Variants in COLGALT2 observed in about 807,000 individuals in gnomAD.
COLGALT2 encodes collagen beta(1-O)galactosyltransferase 2.
A neutral mutation model predicts 73.4 loss-of-function variants in COLGALT2; 49 were observed. The observed-to-expected ratio is 0.67, with a 90% CI of 0.53 to 0.85. COLGALT2 has a LOEUF of 0.85. Ranked by LOEUF, COLGALT2 falls within the 40% of genes least tolerant of loss-of-function variation. COLGALT2 has a pLI of 0.00. For missense variants in COLGALT2, 722 were observed against 790.2 expected, an observed-to-expected ratio of 0.91 and a Z score of 1.03; for synonymous variants, 295 against 307.6, an observed-to-expected ratio of 0.96 and a Z score of 0.43.
chr1:184,017,101 A>G (rs1649024837), intron 1 of COLGALT2, among the ~76,000 whole-genome samples: 1 of 152,194 alleles, frequency 6.6e-6, no homozygotes, highest in South Asian at 2.1e-4. Flanking sequence ...GTCTAACCTA[A>G]GGTGCTGTAA....
At chr1:184,006,871 T>C (rs1672100360) in intron 1 of COLGALT2, among the ~76,000 whole-genome samples, 1 of 152,242 alleles carries the variant, frequency 6.6e-6, no homozygotes, top group African/African-American at 2.4e-5. Flanking sequence ...CTGAATTCAC[T>C]GGCACTTTGC....
intron 6 of COLGALT2, 141 bp from the exon 7 acceptor site, chr1:183,954,979 T>G (rs982179585): frequency 1.5e-6 from 1 of 672,426 alleles, no homozygotes; most frequent in Non-Finnish European, 2.7e-6. Flanking sequence ...TTCTCCAGGA[T>G]TGAGTAGCCA....
intron 1 of COLGALT2, among the ~76,000 whole-genome samples, chr1:184,010,019 C>T (rs1417695581): frequency 6.6e-6 from 1 of 152,062 alleles, no homozygotes; most frequent in Non-Finnish European, 1.5e-5. Flanking sequence ...AATGGAGTTG[C>T]CAGTTGCTGT....
chr1:183,962,332 G>T (rs756979683), intron 6 of COLGALT2, among the ~76,000 whole-genome samples: 1 of 151,298 alleles, frequency 6.6e-6, no homozygotes, highest in Non-Finnish European at 1.5e-5. Flanking sequence ...GCTTATTTTT[G>T]TATTTTTAGT....
chr1:183,963,844 G>A, intron 6 of COLGALT2, 57 bp downstream of exon 6: 2 of 1,473,168 alleles, frequency 1.4e-6, no homozygotes, highest in East Asian at 2.5e-5. Flanking sequence ...GAAGTGGCTG[G>A]TATGGTCACT....
intron 7 of COLGALT2, 30 bp downstream of exon 7, chr1:183,954,732 T>C (rs1352603960): frequency 6.5e-7 from 1 of 1,543,180 alleles, no homozygotes; most frequent in Non-Finnish European, 9.0e-7. Flanking sequence ...CACGCGTGCA[T>C]GTGCACACAC....
chr1:183,936,226 T>C lies in COLGALT2; in HGVS notation c.*2535A>G. Reference sequence around the variant, plus strand: ...CACTGCAAAGGTCAAATGTCAAAGGTCAAATGTCTTGGCTTAGGACTATAA... The same window carrying C: ...CACTGCAAAGGTCAAATGTCAAAGGCCAAATGTCTTGGCTTAGGACTATAA... On this transcript the variant is annotated 3_prime_UTR_variant, in exon 12 of 12. Transcript: ENST00000361927. The C allele has an allele frequency of 1.0e-6, 1 of 985,508 alleles. No homozygotes were observed. The highest frequency in any genetic ancestry group is 4.7e-5 in the South Asian group (1 of 21,282). The allele number at this position is 985,508 out of a possible 1,614,324, so 61.0% of individuals were successfully genotyped here. A position where few individuals can be genotyped will look rare whatever the true frequency, so the allele number is the denominator to read the frequency against.
chr1:183,935,476 G>A (rs1223237647), downstream of COLGALT2, among the ~76,000 whole-genome samples: 1 of 152,172 alleles, frequency 6.6e-6, no homozygotes. Context: ...TTTTTCCCCA[G>A]GAAAAAGCTC....
downstream of COLGALT2, among the ~76,000 whole-genome samples, chr1:183,933,359 G>A (rs577517795): frequency 6.6e-6 from 1 of 152,084 alleles, no homozygotes; most frequent in African/African-American, 2.4e-5. Flanking sequence ...CTCTCCCCTC[G>A]GATTCTCAAC....
intron 4 of COLGALT2, among the ~76,000 whole-genome samples, chr1:183,972,420 T>G (rs7530464): frequency 6.6e-6 from 1 of 152,002 alleles, no homozygotes; most frequent in Admixed American, 6.6e-5. Context: ...CATATTTTGC[T>G]TAGCACATTT....
At chr1:183,973,548 G>T in intron 4 of COLGALT2, 68 bp downstream of exon 4, 1 of 1,581,192 alleles carries the variant, frequency 6.3e-7, no homozygotes, top group Non-Finnish European at 8.7e-7. Context: ...AGGTGAATGG[G>T]ACTACTGTTG....
chr1:183,977,403 G>A (rs957701922), intron 2 of COLGALT2, among the ~76,000 whole-genome samples: 3 of 151,118 alleles, frequency 2.0e-5, no homozygotes, highest in Admixed American at 6.6e-5. Flanking sequence ...CCCAGGAGGC[G>A]GAGGTTGCAG....
intron 1 of COLGALT2, among the ~76,000 whole-genome samples, chr1:184,011,455 T>C (rs1572675667): frequency 1.3e-5 from 2 of 152,190 alleles, no homozygotes; most frequent in South Asian, 2.1e-4. Context: ...TCCAGTTACC[T>C]TCCAATCTGT....
chr1:183,951,670 T>C (rs1382191147), intron 7 of COLGALT2, among the ~76,000 whole-genome samples: 1 of 152,048 alleles, frequency 6.6e-6, no homozygotes. Flanking sequence ...TAATGAAAAC[T>C]ATAAAACACT....
At chr1:183,976,733 AG>A (rs1238101569) in intron 2 of COLGALT2, among the ~76,000 whole-genome samples, 4 of 152,202 alleles carry the variant, frequency 2.6e-5, no homozygotes, top group African/African-American at 9.7e-5. Context: ...CAACTTATTT[AG>A]AAAAAAAATA....
intron 1 of COLGALT2, among the ~76,000 whole-genome samples, chr1:183,985,054 C>A (rs1671451423): frequency 6.6e-6 from 1 of 152,188 alleles, no homozygotes; most frequent in Non-Finnish European, 1.5e-5. Flanking sequence ...TGACATTTCT[C>A]CTTGTTCCAG....
At chr1:184,037,053 C>T in intron 1 of COLGALT2, 42 bp downstream of exon 1, 1 of 1,410,670 alleles carries the variant, frequency 7.1e-7, no homozygotes, top group Non-Finnish European at 9.2e-7. Flanking sequence ...GCAGGCCGCC[C>T]CCGCGTCCCG....
chr1:184,003,448 G>GTCCTTGTC (rs1172423324), intron 1 of COLGALT2, among the ~76,000 whole-genome samples: 1 of 152,152 alleles, frequency 6.6e-6, no homozygotes, highest in Admixed American at 6.5e-5. Context: ...CTGCTCAATA[G>GTCCTTGTC]TCCTTGTCTT....
intron 7 of COLGALT2, among the ~76,000 whole-genome samples, chr1:183,951,832 AC>A (rs1376691428): frequency 1.3e-5 from 2 of 152,208 alleles, no homozygotes; most frequent in African/African-American, 4.8e-5. Context: ...TTTTCATAGA[AC>A]CAGAAAAAAA....
Sources: allele counts gnomAD v4.1 joint callset (sites outside exome capture counted in the v4.1 genomes callset), GRCh38; gene constraint gnomAD v4.1.1; transcripts MANE v1.5; gene names NCBI Gene and HGNC (gene_info 2026-07-23, HGNC 2026-07-21).